Variants in SIN3A observed in about 807,000 individuals in gnomAD.
SIN3A encodes paired amphipathic helix protein Sin3a.
Under a neutral mutation model 146.1 loss-of-function variants are expected in SIN3A, and 14 were observed. That is an observed-to-expected ratio of 0.10 (90% confidence interval 0.06 to 0.15). The LOEUF (loss-of-function observed/expected upper bound fraction) is 0.15, where lower values mean the gene tolerates loss of function less well. Among genes scored for constraint, SIN3A ranks in the 10% least tolerant of loss-of-function variants. SIN3A has a pLI of 1.00. For synonymous variants in SIN3A, 572 were observed against 572.0 expected (o/e 1.00, Z 0.00); for missense variants, 1,028 against 1,576.0 (o/e 0.65, Z 5.89).
chr15:75,417,381 T>TC (rs1218815238), intron 3 of SIN3A, among the ~76,000 whole-genome samples: 2 of 151,096 alleles, frequency 1.3e-5, no homozygotes, highest in African/African-American at 2.4e-5. Flanking sequence ...TCTTTTTCTT[T>TC]TTTTTTTTTT....
At position 75,381,699 on chromosome 15, in the gene SIN3A, A is replaced by T; in HGVS notation, c.3202T>A (p.Phe1068Ile). ...TGGACCTGGCCTTGGCTCTGAATAA[A>T]CATAAGCTGCAAATAAGAAACCTAA... ...MSDENCFKLM[F>I]IQSQGQVQLT... The change falls in exon 18 of 21, where the codon TTT becomes ATT. Residue 1068 changes from phenylalanine to isoleucine, a missense_variant. Transcript: ENST00000394947. 6.2e-7 allele frequency: 1 copy of T among 1,613,134 alleles called. No individual in the cohort carries two copies. The highest frequency in any genetic ancestry group is 2.2e-5 in the East Asian group (1 of 44,872).
Position 75,433,923 on chromosome 15 carries a change from A to T in SIN3A, c.-33-3515T>A, listed in dbSNP as rs183186367. Among the ~76,000 whole-genome samples the T allele has an allele frequency of 4.6e-5, 7 of 152,314 alleles. No individual in the cohort carries two copies. In the East Asian group the frequency reaches 1.4e-3, roughly 29 times the overall value. ...TCATACCTCCTGGTTTCAGGCCCTGATCATCCTTCACAACAACCTTATAAG... is the reference window on the plus strand; with the variant it reads ...TCATACCTCCTGGTTTCAGGCCCTGTTCATCCTTCACAACAACCTTATAAG... On this transcript the variant is annotated intron_variant, in intron 1 of 20. Transcript: ENST00000394947.
At chr15:75,409,510 A>G (rs1349439692) in intron 8 of SIN3A, among the ~76,000 whole-genome samples, 1 of 151,524 alleles carries the variant, frequency 6.6e-6, no homozygotes, top group Non-Finnish European at 1.5e-5. Context: ...GCAGATCATG[A>G]GGTCAGGAGA....
chr15:75,404,920 G>C (rs946686555), intron 9 of SIN3A, among the ~76,000 whole-genome samples: 1 of 151,792 alleles, frequency 6.6e-6, no homozygotes, highest in African/African-American at 2.4e-5. Context: ...GAAGGAGGAG[G>C]ATTGCCTGAG....
At chr15:75,428,970 TCTTC>T (rs944444358) in intron 2 of SIN3A, among the ~76,000 whole-genome samples, 2 of 152,242 alleles carry the variant, frequency 1.3e-5, no homozygotes, top group African/African-American at 2.4e-5. Context: ...ATATATTTTC[TCTTC>T]CTTATGATTT....
At chr15:75,447,231 AAGG>A (rs1182493562) in intron 1 of SIN3A, among the ~76,000 whole-genome samples, 1 of 152,252 alleles carries the variant, frequency 6.6e-6, no homozygotes, top group Non-Finnish European at 1.5e-5. Context: ...GTAACAAAAC[AAGG>A]AGAATAGAAT....
At chr15:75,433,700 C>T (rs2074053801) in intron 1 of SIN3A, among the ~76,000 whole-genome samples, 1 of 151,922 alleles carries the variant, frequency 6.6e-6, no homozygotes, top group Admixed American at 6.6e-5. Context: ...GTCCTAGCTA[C>T]TCGGGAGGCT....
intron 9 of SIN3A, 126 bp from the exon 10 acceptor site, chr15:75,402,096 C>T (rs1595901041): frequency 3.1e-6 from 2 of 640,856 alleles, no homozygotes; most frequent in East Asian, 2.8e-5. Context: ...AGCCTCCCAT[C>T]CTCAGCCTCC....
At chr15:75,454,014 A>G (rs1333465986), upstream of SIN3A, 5 of 152,238 alleles carry the variant, frequency 3.3e-5, no homozygotes, top group Admixed American at 6.5e-5. Flanking sequence ...AGCGCGCTCA[A>G]GAGCGGAGGG....
intron 1 of SIN3A, among the ~76,000 whole-genome samples, chr15:75,451,032 C>T (rs2074395967): frequency 2.0e-5 from 3 of 151,620 alleles, no homozygotes; most frequent in Non-Finnish European, 4.4e-5. Context: ...TACCCCTCCC[C>T]GACCCCAGCA....
upstream of SIN3A, among the ~76,000 whole-genome samples, chr15:75,454,640 A>G (rs1180267263): frequency 1.3e-5 from 2 of 150,666 alleles, no homozygotes; most frequent in Admixed American, 1.3e-4. Flanking sequence ...TCCGACCTTC[A>G]CTGCCCCTTT....
intron 1 of SIN3A, among the ~76,000 whole-genome samples, chr15:75,443,396 C>T (rs1290572465): frequency 6.6e-6 from 1 of 152,232 alleles, no homozygotes; most frequent in African/African-American, 2.4e-5. Flanking sequence ...AAGATGGTAT[C>T]TCCCAACTTC....
At chr15:75,446,213 A>G (rs1319624004) in intron 1 of SIN3A, 2 of 151,914 alleles carry the variant, frequency 1.3e-5, no homozygotes, top group Non-Finnish European at 2.9e-5. Context: ...TGTAGATAAG[A>G]ATGGTCAGAT....
At chr15:75,404,146 A>C (rs1347354840) in intron 9 of SIN3A, among the ~76,000 whole-genome samples, 1 of 152,168 alleles carries the variant, frequency 6.6e-6, no homozygotes, top group Admixed American at 6.5e-5. Flanking sequence ...CTTATCAGCA[A>C]CCCCTGCTCC....
intron 1 of SIN3A, among the ~76,000 whole-genome samples, chr15:75,445,169 C>T (rs1005890217): frequency 6.6e-6 from 1 of 151,576 alleles, no homozygotes; most frequent in Admixed American, 6.6e-5. Flanking sequence ...TTGCCTGAGG[C>T]CAGGAGTTCA....
rs1210874242 is a variant in SIN3A, at chr15:75,371,640, T to C, written c.*339A>G. ...GTGTGAACAGCATCCGGTTCCCTCA[T>C]TGAAAGTTAGGCCACAGGAGACTCC... On this transcript the variant is annotated 3_prime_UTR_variant, in exon 21 of 21. Coordinates refer to ENST00000394947, the MANE Select transcript of SIN3A (RefSeq NM_001145358.2). The C allele has an allele frequency of 2.4e-5, 6 of 255,226 alleles. 1 individual carries two copies. Among genetic ancestry groups the C allele is most frequent in the Admixed American group, 1.0e-4 (2 of 19,168 alleles). 15.8% of individuals were successfully genotyped at this position (255,226 alleles called of 1,614,324 possible). A position where few individuals can be genotyped will look rare whatever the true frequency, so the allele number is the denominator to read the frequency against.
chr15:75,426,295 C>T (rs370447864), intron 2 of SIN3A, among the ~76,000 whole-genome samples: 23 of 152,330 alleles, frequency 1.5e-4, no homozygotes, highest in African/African-American at 5.5e-4. Context: ...TAGACAGCCT[C>T]AAGGGGACTC....
chr15:75,427,419 C>A (rs1274550471), intron 2 of SIN3A, among the ~76,000 whole-genome samples: 2 of 152,114 alleles, frequency 1.3e-5, no homozygotes. Flanking sequence ...CCTGTAATCC[C>A]AGCACTTTGG....
At position 75,404,771 on chromosome 15, in the gene SIN3A, A is replaced by C. The variant is rs1197890894; in HGVS notation, c.1407+2284T>G. Reference sequence around the variant, plus strand: ...TGAGACTGTCCCAGAAAAAAAATAAAAAAAAAACAAAAAAACAAAAACAAA... The same window carrying C: ...TGAGACTGTCCCAGAAAAAAAATAACAAAAAAACAAAAAAACAAAAACAAA... On this transcript the variant is annotated intron_variant, in intron 9 of 20. Transcript: ENST00000394947. Among the ~76,000 whole-genome samples, 3 of 151,936 alleles carry C rather than the reference A, an allele frequency of 2.0e-5. 1 individual carries two copies. Among genetic ancestry groups the C allele is most frequent in the East Asian group, 3.9e-4 (2 of 5,188 alleles).
Sources: allele counts gnomAD v4.1 joint callset (sites outside exome capture counted in the v4.1 genomes callset), GRCh38; gene constraint gnomAD v4.1.1; transcripts MANE v1.5; gene names NCBI Gene and HGNC (gene_info 2026-07-23, HGNC 2026-07-21).